Variants in ATRX observed in about 807,000 individuals in gnomAD.
ATRX encodes chromatin remodeler ATRX.
ATRX carries 12 observed loss-of-function variants against 172.6 expected under a neutral mutation model. The ratio of observed to expected loss-of-function variants is 0.07; its 90% CI spans 0.04 to 0.11. The LOEUF (loss-of-function observed/expected upper bound fraction) is 0.11. Among genes scored for constraint, ATRX ranks in the 10% least tolerant of loss-of-function variants. The pLI is 1.00. For synonymous variants in ATRX, 674 were observed against 594.7 expected, an observed-to-expected ratio of 1.13 and a Z score of -1.94; for missense variants, 1,368 against 1,767.4, an observed-to-expected ratio of 0.77 and a Z score of 4.05.
At chrX:77,771,892 A>C (rs972453666) in intron 1 of ATRX, among the ~76,000 whole-genome samples, 1 of 111,659 alleles carries the variant, frequency 9.0e-6, no homozygotes, top group Non-Finnish European at 1.9e-5. Flanking sequence ...CAGGGATAAA[A>C]TGCATTCACA....
intron 25 of ATRX, 38 bp downstream of exon 25, chrX:77,599,373 T>G: frequency 8.3e-7 from 1 of 1,200,325 alleles, no homozygotes; most frequent in Non-Finnish European, 1.1e-6. Flanking sequence ...TTTTCCAAAT[T>G]ACTGTTCCAT....
chrX:77,520,048 C>G (rs1287123340), intron 34 of ATRX, among the ~76,000 whole-genome samples: 2 of 111,674 alleles, frequency 1.8e-5, no homozygotes, highest in African/African-American at 6.5e-5. Flanking sequence ...GTGAAATAAG[C>G]CAGGCATAGA....
intron 9 of ATRX, among the ~76,000 whole-genome samples, chrX:77,680,057 T>C (rs1392093895): frequency 1.8e-5 from 2 of 112,259 alleles, no homozygotes; most frequent in African/African-American, 6.5e-5. Context: ...TGGTCTAAAC[T>C]GCTTATTCCT....
Position 77,681,975 on chromosome X carries a change from C to T in ATRX, c.3281G>A (p.Cys1094Tyr), listed in dbSNP as rs146521598. 98 of 1,208,169 alleles carry T rather than the reference C, an allele frequency of 8.1e-5. 2 individuals are homozygous for T. The highest frequency in any genetic ancestry group is 2.1e-5 in the Non-Finnish European group (19 of 894,040). ...NGAYGREKKRCKLLGKSSRKR... is the reference protein window; with the variant it reads ...NGAYGREKKRYKLLGKSSRKR... ...CCTTGAACTCTTTCCAAGCAACTTG[C>T]ACCTTTTCTTCTCTCTACCATATGC... Residue 1094 changes from cysteine (C) to tyrosine (Y), a missense_variant, in exon 9 of 35, where the codon TGC (cysteine) becomes TAC (tyrosine). Physicochemically the swap from Cys to Tyr is radical, Grantham distance 194. Transcript: ENST00000373344.
intron 1 of ATRX, among the ~76,000 whole-genome samples, chrX:77,754,776 TC>T (rs2075427022): frequency 8.9e-6 from 1 of 111,777 alleles, no homozygotes; most frequent in Non-Finnish European, 1.9e-5. Flanking sequence ...ATTTTTTCCT[TC>T]ATTTCAACCT....
chrX:77,769,198 A>G (rs2076073320), intron 1 of ATRX, among the ~76,000 whole-genome samples: 1 of 111,107 alleles, frequency 9.0e-6, no homozygotes, highest in African/African-American at 3.3e-5. Context: ...TCAAATAAGT[A>G]TTTTTTAAAT....
At chrX:77,531,758 C>T (rs1187146211) in intron 30 of ATRX, among the ~76,000 whole-genome samples, 1 of 111,516 alleles carries the variant, frequency 9.0e-6, no homozygotes, top group South Asian at 3.8e-4. Context: ...TCCTATTCAA[C>T]GTAGTATTGG....
intron 30 of ATRX, among the ~76,000 whole-genome samples, chrX:77,550,516 A>AT (rs1557055462): frequency 9.0e-6 from 1 of 111,688 alleles, no homozygotes; most frequent in Non-Finnish European, 1.9e-5. Context: ...ATCATACTGA[A>AT]TGGGCAAAAA....
chrX:77,599,415 T>C lies in ATRX; in HGVS notation c.5952A>G (p.Glu1984=), dbSNP rs781959564. The C allele has an allele frequency of 1.7e-6, 2 of 1,210,744 alleles. No individual in the cohort carries two copies. Among genetic ancestry groups the C allele is most frequent in the Non-Finnish European group, 2.2e-6 (2 of 894,889 alleles). ...GGCAACATTCATTAGACTCACTTTCTTCCAGTTTTAAAGAAACAGAAGGAT... is the reference window on the plus strand; with the variant it reads ...GGCAACATTCATTAGACTCACTTTCCTCCAGTTTTAAAGAAACAGAAGGAT... ...GNNPSVSLKL[E]ESKATSSSNP... Residue 1984 remains glutamate (E), a synonymous_variant, in exon 25 of 35, where the codon GAA becomes GAG. Coordinates refer to ENST00000373344, the MANE Select transcript of ATRX (RefSeq NM_000489.6).
chrX:77,534,126 G>A (rs1051720907), intron 30 of ATRX, among the ~76,000 whole-genome samples: 2 of 111,712 alleles, frequency 1.8e-5, no homozygotes, highest in African/African-American at 6.5e-5. Context: ...AGAAAAGACC[G>A]TGCAAGTAAG....
At chrX:77,629,534 ACTT>A (rs2068017250) in intron 19 of ATRX, among the ~76,000 whole-genome samples, 1 of 112,435 alleles carries the variant, frequency 8.9e-6, no homozygotes, top group African/African-American at 3.2e-5. Flanking sequence ...TATCTCTAAT[ACTT>A]ATATATACTC....
intron 27 of ATRX, among the ~76,000 whole-genome samples, chrX:77,584,375 C>T (rs2148061503): frequency 9.0e-6 from 1 of 111,261 alleles, no homozygotes; most frequent in South Asian, 3.8e-4. Context: ...TATACTAAGC[C>T]AAAAGAACAA....
At chrX:77,648,489 A>C (rs782339603) in intron 15 of ATRX, among the ~76,000 whole-genome samples, 1 of 111,541 alleles carries the variant, frequency 9.0e-6, no homozygotes, top group East Asian at 2.8e-4. Flanking sequence ...AAGATCCAAA[A>C]TCCACCTTAA....
Position 77,663,484 on chromosome X carries a change from G to T in ATRX, c.4018C>A (p.Leu1340Ile), listed in dbSNP as rs2070041722. Residue 1340 changes from leucine (L) to isoleucine (I), a missense_variant, in exon 12 of 35, where the codon CTT (leucine) becomes ATT (isoleucine). Leu to Ile is a conservative substitution (Grantham distance 5, BLOSUM62 2). This residue lies in a region of ATRX where 119 missense variants were observed against 131.3 expected (regional missense o/e 0.91). Coordinates refer to ENST00000373344, the MANE Select transcript of ATRX (RefSeq NM_000489.6). ...CTCACAGTCAATTTGTGCCGCAAAA[G>T]CCTATGTCTGTATCTTGGCTTCTTA... Reference protein sequence around the residue: ...ESKKPRYRHRLLRHKLTVSDG... With the variant: ...ESKKPRYRHRILRHKLTVSDG... The T allele has an allele frequency of 8.3e-7, 1 of 1,209,175 alleles. No homozygotes were observed. Among genetic ancestry groups the T allele is most frequent in the Admixed American group, 2.2e-5 (1 of 45,726 alleles).
rs1343658181 is a variant in ATRX at position 77,684,254 on chromosome X, G to A, written c.1002C>T (p.Ser334=). 6 of 1,210,118 alleles carry A rather than the reference G, an allele frequency of 5.0e-6. No individual in the cohort carries two copies. Among genetic ancestry groups the A allele is most frequent in the Non-Finnish European group, 6.7e-6 (6 of 894,200 alleles). ...AAGAGTAGGTTACAGAGCCAGAACAGGAATCATCTAATTTCTTTTCTTCTC... is the reference window on the plus strand; with the variant it reads ...AAGAGTAGGTTACAGAGCCAGAACAAGAATCATCTAATTTCTTTTCTTCTC... The part of the protein sequence containing the change: ...CNGEEKKLDD[S]CSGSVTYSYS... Residue 334 remains serine, a synonymous_variant, in exon 9 of 35, where the codon TCC becomes TCT. Transcript: ENST00000373344.
At chrX:77,784,597 C>CT (rs1557206826) in intron 1 of ATRX, among the ~76,000 whole-genome samples, 1 of 111,782 alleles carries the variant, frequency 8.9e-6, no homozygotes, top group African/African-American at 3.3e-5. Flanking sequence ...ACTTACGTGC[C>CT]TAATACCCCA....
chrX:77,717,900 G>C (rs1239796360), intron 1 of ATRX, among the ~76,000 whole-genome samples: 1 of 111,124 alleles, frequency 9.0e-6, no homozygotes, highest in Non-Finnish European at 1.9e-5. Flanking sequence ...AGAAAATTTG[G>C]GGGATTAAAC....
intron 30 of ATRX, among the ~76,000 whole-genome samples, chrX:77,536,318 ATC>A: frequency 8.9e-6 from 1 of 111,962 alleles, no homozygotes; most frequent in South Asian, 3.7e-4. Flanking sequence ...ACTGATCAAA[ATC>A]TCTCTTGCAA....
At chrX:77,523,109 T>C (rs1297701827) in intron 31 of ATRX, 143 bp downstream of exon 31, 1 of 821,720 alleles carries the variant, frequency 1.2e-6, no homozygotes, top group Non-Finnish European at 1.8e-6. Context: ...AACCAACCCA[T>C]AAAGAGATTC....
Sources: gnomAD v4.1 joint callset for allele counts (sites outside exome capture counted in the v4.1 genomes callset) on GRCh38, gnomAD v4.1.1 for gene constraint, gnomAD v4.1.1 regional missense constraint, MANE v1.5 for transcripts, NCBI Gene and HGNC (gene_info 2026-07-23, HGNC 2026-07-21) for gene names.